FKBP1A: variants seen among roughly 807,000 people sequenced by gnomAD.
FKBP1A encodes the protein FKBP prolyl isomerase 1A, also known as peptidyl-prolyl cis-trans isomerase FKBP1A.
In FKBP1A, 5 loss-of-function variants were observed where a neutral mutation model predicts 14.2. The observed-to-expected ratio is 0.35, with a 90% confidence interval of 0.18 to 0.74. The LOEUF (loss-of-function observed/expected upper bound fraction) is 0.74. Among genes scored for constraint, FKBP1A ranks in the 30% least tolerant of loss-of-function variants. The pLI, the probability that FKBP1A is intolerant of heterozygous loss-of-function variation, is 0.56. For missense variants in FKBP1A, 53 were observed against 138.8 expected, an observed-to-expected ratio of 0.38 and a Z score of 3.10; for synonymous variants, 42 against 49.1, an observed-to-expected ratio of 0.86 and a Z score of 0.60.
At chr20:1,388,861 G>T (rs1197548693) in intron 2 of FKBP1A, among the ~76,000 whole-genome samples, 1 of 152,094 alleles carries the variant, frequency 6.6e-6, no homozygotes, top group East Asian at 1.9e-4. Context: ...CTCATCTCCT[G>T]CCACATACCC....
chr20:1,370,201 CTTCTGTTCCAGCTGGAG>C, intron 4 of FKBP1A, 129 bp from the exon 5 acceptor site: 1 of 1,415,438 alleles, frequency 7.1e-7, no homozygotes. Flanking sequence ...GACCAAGCCA[CTTCTGTTCCAGCTGGAG>C]ACAGCCAGAA....
intron 4 of FKBP1A, among the ~76,000 whole-genome samples, chr20:1,371,363 G>A (rs1048864417): frequency 6.6e-6 from 1 of 152,202 alleles, no homozygotes; most frequent in Non-Finnish European, 1.5e-5. Flanking sequence ...CTTGAGTAAG[G>A]CCTTTCTCTC....
intron 4 of FKBP1A, chr20:1,370,386 CTG>C: frequency 1.0e-6 from 1 of 985,352 alleles, no homozygotes; most frequent in South Asian, 4.7e-5. Context: ...GGGTCTCAAA[CTG>C]TGCTACATAT....
intron 3 of FKBP1A, chr20:1,374,649 G>A (rs150498157): frequency 6.6e-6 from 1 of 152,296 alleles, no homozygotes; most frequent in East Asian, 1.9e-4. Flanking sequence ...ACTTCTGAGA[G>A]TAAGTCCTAT....
chr20:1,370,896 A>G (rs1293563931), intron 4 of FKBP1A: 13 of 985,492 alleles, frequency 1.3e-5, no homozygotes, highest in Non-Finnish European at 1.6e-5. Context: ...AAGGCCCTGT[A>G]AAGTGCCAGG....
intron 3 of FKBP1A, among the ~76,000 whole-genome samples, chr20:1,374,941 A>G (rs1169962620): frequency 2.0e-5 from 3 of 152,188 alleles, no homozygotes; most frequent in Non-Finnish European, 2.9e-5. Flanking sequence ...GGTTCAAGTG[A>G]TTCTCCTGCC....
intron 2 of FKBP1A, among the ~76,000 whole-genome samples, chr20:1,391,007 T>C (rs148534243): frequency 3.9e-5 from 6 of 152,230 alleles, no homozygotes; most frequent in African/African-American, 1.2e-4. Flanking sequence ...TCTGTTCTCA[T>C]AGGAAAAGGC....
chr20:1,387,625 C>T (rs1157721882), intron 2 of FKBP1A, among the ~76,000 whole-genome samples: 3 of 152,136 alleles, frequency 2.0e-5, no homozygotes, highest in Non-Finnish European at 4.4e-5. Context: ...GAGGGTGGAT[C>T]ACTTGAGGCC....
intron 3 of FKBP1A, 85 bp from the exon 4 acceptor site, chr20:1,372,325 T>C (rs2089477000): frequency 6.9e-7 from 1 of 1,458,020 alleles, no homozygotes; most frequent in Admixed American, 1.8e-5. Context: ...ACCTAGGTGT[T>C]CCTTGGCCAG....
intron 2 of FKBP1A, among the ~76,000 whole-genome samples, chr20:1,385,431 G>C (rs1035129173): frequency 6.6e-6 from 1 of 152,106 alleles, no homozygotes; most frequent in Non-Finnish European, 1.5e-5. Flanking sequence ...TAGCTAGCTG[G>C]AAGTGGTAGA....
chr20:1,377,017 T>A (rs2089554081), intron 2 of FKBP1A: 1 of 152,154 alleles, frequency 6.6e-6, no homozygotes, highest in Non-Finnish European at 1.5e-5. Flanking sequence ...GATTGGAGGG[T>A]CAGCCAGTGG....
chr20:1,371,873 T>G, intron 4 of FKBP1A: 1 of 1,303,430 alleles, frequency 7.7e-7, no homozygotes, highest in Non-Finnish European at 9.7e-7. Flanking sequence ...AACATACACA[T>G]GCCAATTCCT....
chr20:1,389,204 AG>A (rs1210611227), intron 2 of FKBP1A, among the ~76,000 whole-genome samples: 1 of 152,172 alleles, frequency 6.6e-6, no homozygotes, highest in Non-Finnish European at 1.5e-5. Context: ...CCACCAGATC[AG>A]GTCTTTGTCT....
rs564894185 is a variant in FKBP1A, at chr20:1,370,086, A to C, written c.*37-14T>G. 1.1e-5 allele frequency: 17 copies of C among 1,546,682 alleles called. No homozygotes were observed. The East Asian group carries it at 3.9e-4, about 36-fold the overall frequency. ...TCCATGGCAGATCTGTTGGGGACAG[A>C]AAATCTGTGAGTTTCCAGCAACTCA... On this transcript the variant is annotated splice_polypyrimidine_tract_variant and intron_variant, in intron 4 of 4. Transcript: ENST00000400137.
At chr20:1,375,242 G>C (rs759996398) in intron 3 of FKBP1A, 3 of 572,794 alleles carry the variant, frequency 5.2e-6, no homozygotes, top group Non-Finnish European at 9.2e-6. Flanking sequence ...AATGCATTAA[G>C]TGAAAAAGTA....
intron 2 of FKBP1A, among the ~76,000 whole-genome samples, chr20:1,388,910 T>G (rs2089699877): frequency 6.6e-6 from 1 of 152,142 alleles, no homozygotes; most frequent in Non-Finnish European, 1.5e-5. Flanking sequence ...AACGCACCGG[T>G]CTTCTTACTG....
intron 2 of FKBP1A, among the ~76,000 whole-genome samples, chr20:1,382,390 G>C (rs7274574): frequency 0.08 from 12,233 of 152,268 alleles, 583 homozygotes; most frequent in Middle Eastern, 0.15. Context: ...TCTAATTGCA[G>C]AACTGACCAA....
intron 1 of FKBP1A, 29 bp downstream of exon 1, chr20:1,392,933 A>C: frequency 1.2e-6 from 1 of 856,680 alleles, no homozygotes; most frequent in Non-Finnish European, 1.7e-6. Flanking sequence ...CGGCAGAGGT[A>C]CTCCGAGCCG....
At chr20:1,391,541 A>T (rs942243077) in intron 2 of FKBP1A, 3 of 396,892 alleles carry the variant, frequency 7.6e-6, no homozygotes, top group African/African-American at 6.2e-5. Context: ...TCCTGCCCCC[A>T]TTTCTACCCA....
Sources: allele counts gnomAD v4.1 joint callset (sites outside exome capture counted in the v4.1 genomes callset), GRCh38; gene constraint gnomAD v4.1.1; transcripts MANE v1.5; gene names NCBI Gene and HGNC (gene_info 2026-07-23, HGNC 2026-07-21).